ANK3: variants seen among roughly 807,000 people sequenced by gnomAD.
The protein encoded by ANK3 is ankyrin-3.
In ANK3, 57 loss-of-function variants were observed where a neutral mutation model predicts 370.9. That is an observed-to-expected ratio of 0.15 (90% confidence interval 0.12 to 0.19). ANK3 has a LOEUF of 0.19. Among genes scored for constraint, ANK3 ranks in the 10% least tolerant of loss-of-function variants. The pLI is 1.00. For synonymous variants in ANK3, 1,929 were observed against 1,946.3 expected (o/e 0.99, Z 0.23); for missense variants, 4,439 against 5,302.1 (o/e 0.84, Z 5.06).
At chr10:60,287,234 T>G (rs1183962755) in intron 1 of ANK3, among the ~76,000 whole-genome samples, 2 of 152,184 alleles carry the variant, frequency 1.3e-5, no homozygotes, top group African/African-American at 2.4e-5. Context: ...CCTCTTACTT[T>G]TAAAGTGCTA....
intron 1 of ANK3, among the ~76,000 whole-genome samples, chr10:60,372,706 C>G (rs1180071068): frequency 6.6e-6 from 1 of 152,214 alleles, no homozygotes; most frequent in Admixed American, 6.5e-5. Flanking sequence ...CTGACCTCAA[C>G]AGTCCCTTCC....
intron 2 of ANK3, among the ~76,000 whole-genome samples, chr10:60,489,455 A>G (rs2075435640): frequency 1.3e-5 from 2 of 152,204 alleles, no homozygotes; most frequent in African/African-American, 4.8e-5. Flanking sequence ...CATTTTAGAA[A>G]CACAAAAAGC....
intron 16 of ANK3, among the ~76,000 whole-genome samples, chr10:60,190,197 TA>T (rs1362498842): frequency 1.3e-5 from 2 of 152,038 alleles, no homozygotes; most frequent in Non-Finnish European, 2.9e-5. Flanking sequence ...GAAGAAAGGG[TA>T]AGGAGAAGGC....
intron 1 of ANK3, among the ~76,000 whole-genome samples, chr10:60,282,998 A>G (rs1314503248): frequency 1.3e-5 from 2 of 152,304 alleles, no homozygotes; most frequent in Non-Finnish European, 2.9e-5. Context: ...ACTTCCTCAA[A>G]TATTTGTTGA....
At chr10:60,345,144 AT>A (rs1191966882) in intron 1 of ANK3, among the ~76,000 whole-genome samples, 5 of 152,208 alleles carry the variant, frequency 3.3e-5, no homozygotes, top group Non-Finnish European at 7.4e-5. Context: ...TCAACTGAGC[AT>A]TAAACTAGAT....
intron 7 of ANK3, among the ~76,000 whole-genome samples, chr10:60,236,135 T>A (rs1376075372): frequency 6.6e-6 from 1 of 152,152 alleles, no homozygotes; most frequent in African/African-American, 2.4e-5. Context: ...TATTATTTCT[T>A]TTATGCTCCC....
intron 1 of ANK3, among the ~76,000 whole-genome samples, chr10:60,672,015 T>A (rs939373167): frequency 6.6e-6 from 1 of 152,252 alleles, no homozygotes; most frequent in Admixed American, 6.5e-5. Flanking sequence ...GCTCCTGGAT[T>A]CCTAACCCAC....
chr10:60,237,401 A>T lies in ANK3; in HGVS notation c.799-2615T>A, dbSNP rs74640277. 6.2e-3 allele frequency among the ~76,000 whole-genome samples: 947 copies of T among 152,192 alleles called. 9 individuals are homozygous for T. Among genetic ancestry groups the T allele is most frequent in the African/African-American group, 0.022 (906 of 41,530 alleles). The stretch of plus-strand genomic sequence containing the variant: ...GACCTCATCACTTCCCAGTGTGAGT[A>T]AGGGCTGGCATGCCATTTCCCTTTA... On this transcript the variant is annotated intron_variant, in intron 7 of 43. Coordinates refer to ENST00000280772, the MANE Select transcript of ANK3 (RefSeq NM_020987.5).
intron 1 of ANK3, among the ~76,000 whole-genome samples, chr10:60,725,188 A>G (rs1464728041): frequency 6.6e-6 from 1 of 152,158 alleles, no homozygotes; most frequent in East Asian, 1.9e-4. Context: ...TTCACCAAGC[A>G]CTATATTCTT....
At chr10:60,182,349 C>G (rs961879252) in intron 17 of ANK3, among the ~76,000 whole-genome samples, 1 of 152,076 alleles carries the variant, frequency 6.6e-6, no homozygotes, top group Non-Finnish European at 1.5e-5. Context: ...AAGACTGATA[C>G]AGTATTTGAA....
intron 2 of ANK3, among the ~76,000 whole-genome samples, chr10:60,546,355 T>C (rs892516785): frequency 6.6e-6 from 1 of 152,188 alleles, no homozygotes; most frequent in Non-Finnish European, 1.5e-5. Context: ...TTTTTATAAT[T>C]ACAAGGTACT....
At chr10:60,086,987 C>CA (rs2086864191) in intron 29 of ANK3, 103 bp from the exon 30 acceptor site, 2 of 97,496 alleles carry the variant, frequency 2.1e-5, no homozygotes, top group South Asian at 4.0e-4. Context: ...CAAAAACAGA[C>CA]AACCAAAAAA....
intron 1 of ANK3, among the ~76,000 whole-genome samples, chr10:60,732,971 C>T (rs1332423815): frequency 6.6e-6 from 1 of 151,800 alleles, no homozygotes; most frequent in Non-Finnish European, 1.5e-5. Context: ...TGTTTCCAAG[C>T]AGAAGCCCCA....
At chr10:60,648,189 G>T (rs2078736912) in intron 1 of ANK3, among the ~76,000 whole-genome samples, 1 of 107,768 alleles carries the variant, frequency 9.3e-6, no homozygotes. Context: ...GTCTCGCACT[G>T]TCTCCCAGGC....
At chr10:60,079,079 C>A (rs186703777) in intron 36 of ANK3, among the ~76,000 whole-genome samples, 1 of 152,010 alleles carries the variant, frequency 6.6e-6, no homozygotes, top group East Asian at 1.9e-4. Context: ...GGGTCTCAAC[C>A]AACTACCCAC....
intron 2 of ANK3, among the ~76,000 whole-genome samples, chr10:60,479,895 T>C (rs770106403): frequency 6.6e-6 from 1 of 152,212 alleles, no homozygotes; most frequent in Non-Finnish European, 1.5e-5. Flanking sequence ...ACAAACCTCT[T>C]TCTCCTTATA....
chr10:60,678,058 C>A (rs1409664061), intron 1 of ANK3, among the ~76,000 whole-genome samples: 2 of 152,116 alleles, frequency 1.3e-5, no homozygotes, highest in Non-Finnish European at 2.9e-5. Context: ...AGATGGAGAA[C>A]AAATGATATA....
At position 60,073,351 on chromosome 10, in the gene ANK3, G is replaced by A. The variant is rs780998183; in HGVS notation, c.7530C>T (p.Pro2510=). 6.2e-7 allele frequency: 1 copy of A among 1,613,684 alleles called. No homozygotes were observed. The highest frequency in any genetic ancestry group is 8.5e-7 in the Non-Finnish European group (1 of 1,179,968). The stretch of plus-strand genomic sequence containing the variant: ...AGATTTTGGAGAGAATTTCTTTTTT[G>A]GGGGCAGTGGCTATTTTTTCTCTGG... ...KRSREKIATA[P]KKEILSKIYK... Residue 2510 remains proline, a synonymous_variant, in exon 37 of 44, where the codon CCC becomes CCT. Transcript: ENST00000280772.
chr10:60,112,779 C>T (rs1379209571), intron 26 of ANK3, among the ~76,000 whole-genome samples: 1 of 152,132 alleles, frequency 6.6e-6, no homozygotes, highest in African/African-American at 2.4e-5. Flanking sequence ...TAAACGTTAG[C>T]TATTACAATT....
Sources: allele counts gnomAD v4.1 joint callset (sites outside exome capture counted in the v4.1 genomes callset), GRCh38; gene constraint gnomAD v4.1.1; transcripts MANE v1.5; gene names NCBI Gene and HGNC (gene_info 2026-07-23, HGNC 2026-07-21).